Variants in CNTNAP5 observed in about 807,000 individuals in gnomAD.
CNTNAP5 encodes contactin-associated protein-like 5.
In CNTNAP5, 72 loss-of-function variants were observed where a neutral mutation model predicts 150.2. The observed-to-expected ratio is 0.48, with a 90% CI of 0.40 to 0.58. The LOEUF is 0.58. CNTNAP5 is among the 20% of genes least tolerant of loss of function. The pLI is 0.00. For missense variants in CNTNAP5, 1,636 were observed against 1,626.2 expected (o/e 1.01, Z -0.10); for synonymous variants, 672 against 619.8 (o/e 1.08, Z -1.25).
At chr2:124,807,258 T>A (rs955385160) in intron 19 of CNTNAP5, among the ~76,000 whole-genome samples, 2 of 152,176 alleles carry the variant, frequency 1.3e-5, no homozygotes, top group African/African-American at 4.8e-5. Context: ...AATAAGTAGT[T>A]TGACCTCTCG....
intron 1 of CNTNAP5, among the ~76,000 whole-genome samples, chr2:124,093,557 C>G (rs1001221415): frequency 6.6e-6 from 1 of 152,128 alleles, no homozygotes; most frequent in Non-Finnish European, 1.5e-5. Context: ...ATGTATGAGA[C>G]GATGGGATCT....
intron 8 of CNTNAP5, among the ~76,000 whole-genome samples, chr2:124,514,702 G>A (rs941999379): frequency 6.6e-6 from 1 of 152,178 alleles, no homozygotes; most frequent in African/African-American, 2.4e-5. Context: ...CTTTCTAGAG[G>A]TGGGGATATC....
At chr2:124,300,729 A>G (rs1216555492) in intron 3 of CNTNAP5, among the ~76,000 whole-genome samples, 1 of 152,194 alleles carries the variant, frequency 6.6e-6, no homozygotes, top group Non-Finnish European at 1.5e-5. Context: ...GCCTTCCTCC[A>G]TTGCTCTGCA....
chr2:124,322,593 T>C (rs922130087), intron 3 of CNTNAP5, among the ~76,000 whole-genome samples: 2 of 152,226 alleles, frequency 1.3e-5, no homozygotes, highest in African/African-American at 4.8e-5. Context: ...TGATAATAAA[T>C]CAGGGTCATC....
chr2:124,062,679 T>C (rs1346854370), intron 1 of CNTNAP5, among the ~76,000 whole-genome samples: 1 of 152,090 alleles, frequency 6.6e-6, no homozygotes, highest in Non-Finnish European at 1.5e-5. Context: ...AGTTTAAGGA[T>C]AGAGTGGTGC....
Position 124,894,214 on chromosome 2 carries a change from T to TACAGAGAAATGTAAC in CNTNAP5, c.3437-8667_3437-8666insCAGAGAAATGTAACA, listed in dbSNP as rs1678258178. Among the ~76,000 whole-genome samples the TACAGAGAAATGTAAC allele has an allele frequency of 2.3e-4, 35 of 152,022 alleles. 3 individuals carry two copies. Among genetic ancestry groups the TACAGAGAAATGTAAC allele is most frequent in the African/African-American group, 8.2e-4 (34 of 41,324 alleles). On this transcript the variant is annotated intron_variant, in intron 21 of 23. Coordinates refer to ENST00000682447, the MANE Select transcript of CNTNAP5 (RefSeq NM_001367498.1). ...TACATCTGTAATAAAAAGTAGATAA[T>TACAGAGAAATGTAAC]ATTAAGTCACTGAAGATGCCCAGTA... is the stretch of plus-strand genomic sequence containing the variant.
At chr2:124,406,110 T>C (rs1340151344) in intron 3 of CNTNAP5, among the ~76,000 whole-genome samples, 3 of 152,354 alleles carry the variant, frequency 2.0e-5, no homozygotes, top group South Asian at 2.1e-4. Flanking sequence ...CATAAAACTG[T>C]GTTGATTAAC....
chr2:124,836,912 G>T (rs1475710058), intron 19 of CNTNAP5, among the ~76,000 whole-genome samples: 1 of 152,038 alleles, frequency 6.6e-6, no homozygotes, highest in Non-Finnish European at 1.5e-5. Flanking sequence ...AATAAATAAT[G>T]CCTTTGATTT....
intron 8 of CNTNAP5, among the ~76,000 whole-genome samples, chr2:124,516,780 A>C (rs564488605): frequency 6.6e-6 from 1 of 152,330 alleles, no homozygotes; most frequent in South Asian, 2.1e-4. Flanking sequence ...TCTTCAAAAC[A>C]TAAAAAAAGA....
chr2:124,909,404 T>C (rs1381517906), intron 22 of CNTNAP5, among the ~76,000 whole-genome samples: 1 of 152,100 alleles, frequency 6.6e-6, no homozygotes, highest in African/African-American at 2.4e-5. Context: ...CCACCTAGGA[T>C]TGTGTGAGCA....
At chr2:124,179,261 G>A (rs1002797261) in intron 1 of CNTNAP5, among the ~76,000 whole-genome samples, 3 of 152,084 alleles carry the variant, frequency 2.0e-5, no homozygotes, top group Non-Finnish European at 4.4e-5. Flanking sequence ...CCAGGTTCAA[G>A]CAATTCTCCT....
At chr2:124,272,393 T>G (rs72962886) in intron 3 of CNTNAP5, among the ~76,000 whole-genome samples, 204 of 152,300 alleles carry the variant, frequency 1.3e-3, no homozygotes, top group African/African-American at 4.6e-3. Flanking sequence ...AGAAACTAGC[T>G]GTGGCATATA....
intron 1 of CNTNAP5, among the ~76,000 whole-genome samples, chr2:124,102,159 C>G (rs577464188): frequency 6.6e-6 from 1 of 152,252 alleles, no homozygotes; most frequent in South Asian, 2.1e-4. Flanking sequence ...AAGTAAAATA[C>G]ATTGTATTTT....
intron 1 of CNTNAP5, among the ~76,000 whole-genome samples, chr2:124,089,226 G>A (rs1483840958): frequency 6.6e-6 from 1 of 151,740 alleles, no homozygotes; most frequent in Non-Finnish European, 1.5e-5. Flanking sequence ...GGCGAAAGAG[G>A]GAAAAGTCTA....
intron 11 of CNTNAP5, among the ~76,000 whole-genome samples, chr2:124,567,368 C>T (rs908188545): frequency 1.3e-5 from 2 of 152,170 alleles, no homozygotes; most frequent in Admixed American, 6.5e-5. Flanking sequence ...AATTTGGTCA[C>T]TTTTCAAACA....
At chr2:124,864,103 G>A (rs1348416379) in intron 19 of CNTNAP5, among the ~76,000 whole-genome samples, 1 of 152,152 alleles carries the variant, frequency 6.6e-6, no homozygotes, top group African/African-American at 2.4e-5. Context: ...TGACGCTGGG[G>A]AAAGGATCAG....
intron 10 of CNTNAP5, among the ~76,000 whole-genome samples, chr2:124,554,275 T>C (rs565537500): frequency 6.6e-6 from 1 of 152,324 alleles, no homozygotes; most frequent in East Asian, 1.9e-4. Flanking sequence ...TTCATTGATT[T>C]GTTAGTGAAC....
intron 3 of CNTNAP5, among the ~76,000 whole-genome samples, chr2:124,245,884 C>T (rs1687009039): frequency 6.6e-6 from 1 of 151,932 alleles, no homozygotes; most frequent in Admixed American, 6.6e-5. Flanking sequence ...GCATGCACCA[C>T]CACATCTGGC....
chr2:124,503,430 G>T (rs542209490), intron 7 of CNTNAP5, among the ~76,000 whole-genome samples: 1 of 152,326 alleles, frequency 6.6e-6, no homozygotes, highest in African/African-American at 2.4e-5. Flanking sequence ...ATTCAGGTTA[G>T]GGCATTCCCC....
Sources: gnomAD v4.1 joint callset for allele counts (sites outside exome capture counted in the v4.1 genomes callset) on GRCh38, gnomAD v4.1.1 for gene constraint, MANE v1.5 for transcripts, NCBI Gene and HGNC (gene_info 2026-07-23, HGNC 2026-07-21) for gene names.